Variants in SH3TC1 observed in about 807,000 individuals in gnomAD.
The protein encoded by SH3TC1 is SH3 domain and tetratricopeptide repeat-containing protein 1.
SH3TC1 carries 135 observed loss-of-function variants against 117.3 expected under a neutral mutation model. That is an observed-to-expected ratio of 1.15 (90% CI 1.00 to 1.33). The LOEUF is 1.33. Ranked by LOEUF, SH3TC1 falls within the 40% of genes most tolerant of loss-of-function variation. The pLI is 0.00. For synonymous variants in SH3TC1, 898 were observed against 816.9 expected (o/e 1.10, Z -1.69); for missense variants, 2,092 against 1,794.3 (o/e 1.17, Z -3.00).
At chr4:8,216,287 T>A in intron 6 of SH3TC1, 30 bp downstream of exon 6, 2 of 1,606,426 alleles carry the variant, frequency 1.2e-6, no homozygotes, top group South Asian at 2.2e-5. Flanking sequence ...ATGGCCGAGA[T>A]CCAGCTGTGC....
intron 6 of SH3TC1, among the ~76,000 whole-genome samples, chr4:8,216,694 G>A (rs1561692959): frequency 1.3e-5 from 2 of 152,094 alleles, no homozygotes; most frequent in Non-Finnish European, 2.9e-5. Flanking sequence ...CTTTGGCTCC[G>A]CATCGCACAG....
intron 6 of SH3TC1, 107 bp downstream of exon 6, chr4:8,216,364 G>A: frequency 3.4e-6 from 5 of 1,469,414 alleles, no homozygotes; most frequent in Non-Finnish European, 4.6e-6. Flanking sequence ...GGGGCTGTGG[G>A]CTGCGGAGCC....
chr4:8,215,035 G>A (rs1432697925), intron 5 of SH3TC1: 2 of 427,008 alleles, frequency 4.7e-6, no homozygotes, highest in African/African-American at 2.0e-5. Flanking sequence ...AACAACACTG[G>A]TGTGCGCACC....
intron 1 of SH3TC1, among the ~76,000 whole-genome samples, chr4:8,189,538 GC>G (rs1243397149): frequency 6.6e-6 from 1 of 152,222 alleles, no homozygotes; most frequent in East Asian, 1.9e-4. Flanking sequence ...GGTGGCCAGG[GC>G]CCCGCCAGGG....
rs117923749 is a variant in SH3TC1, at chr4:8,202,380, C to T, written c.-28-2787C>T. 1.2e-4 allele frequency among the ~76,000 whole-genome samples: 19 copies of T among 152,348 alleles called. No homozygotes were observed. In the East Asian group the frequency reaches 3.5e-3, roughly 28 times the overall value. ...GATCAGTGAGGCTGTGTTCTGCGTCCGCAGTTCCACTCACGCTTCCTCCTT... is the reference window on the plus strand; with the variant it reads ...GATCAGTGAGGCTGTGTTCTGCGTCTGCAGTTCCACTCACGCTTCCTCCTT... On this transcript the variant is annotated intron_variant, in intron 1 of 17. Transcript: ENST00000245105.
intron 14 of SH3TC1, among the ~76,000 whole-genome samples, chr4:8,234,194 TCATC>T (rs1293056590): frequency 8.1e-5 from 11 of 135,438 alleles, no homozygotes; most frequent in African/African-American, 3.0e-4. Context: ...ATCCATCCAT[TCATC>T]CATCCACCAT....
intron 17 of SH3TC1, among the ~76,000 whole-genome samples, chr4:8,237,876 C>G (rs1721967152): frequency 6.6e-6 from 1 of 152,142 alleles, no homozygotes; most frequent in African/African-American, 2.4e-5. Flanking sequence ...AGAACTCAGC[C>G]TCAGCCAGGG....
At chr4:8,226,549 G>A (rs1429603666) in intron 11 of SH3TC1, among the ~76,000 whole-genome samples, 3 of 152,214 alleles carry the variant, frequency 2.0e-5, no homozygotes, top group African/African-American at 2.4e-5. Flanking sequence ...GTACCCCATC[G>A]AGGGGCCCAG....
At chr4:8,220,836 T>G (rs572715890) in intron 9 of SH3TC1, among the ~76,000 whole-genome samples, 34 of 152,342 alleles carry the variant, frequency 2.2e-4, no homozygotes, top group African/African-American at 7.2e-4. Flanking sequence ...TCTGCTCTGG[T>G]ACCTCTGGCA....
chr4:8,184,736 G>C (rs146085930), intron 1 of SH3TC1, among the ~76,000 whole-genome samples: 113 of 152,258 alleles, frequency 7.4e-4, no homozygotes, highest in African/African-American at 2.7e-3. Context: ...TTTGCCTTCA[G>C]TTTCACAGAC....
At chr4:8,231,840 C>A in intron 12 of SH3TC1, 136 bp from the exon 13 acceptor site, 2 of 979,566 alleles carry the variant, frequency 2.0e-6, no homozygotes, top group Non-Finnish European at 3.0e-6. Context: ...TCACGGTGTG[C>A]TCAGCGGTTC....
intron 1 of SH3TC1, among the ~76,000 whole-genome samples, chr4:8,199,897 T>C (rs1231014905): frequency 6.6e-6 from 1 of 152,208 alleles, no homozygotes. Flanking sequence ...CACCTGGGCC[T>C]CTTTTCCAAC....
intron 12 of SH3TC1, among the ~76,000 whole-genome samples, chr4:8,229,533 T>G (rs1372758368): frequency 8.2e-5 from 5 of 60,892 alleles, no homozygotes; most frequent in Admixed American, 1.8e-4. Flanking sequence ...ATGAGTGGGG[T>G]GTAAGTGGGG....
At chr4:8,231,893 A>C in intron 12 of SH3TC1, 83 bp from the exon 13 acceptor site, 1 of 1,491,792 alleles carries the variant, frequency 6.7e-7, no homozygotes, top group Non-Finnish European at 9.1e-7. Flanking sequence ...GAAAGAGGCA[A>C]GCACACCGCA....
intron 17 of SH3TC1, among the ~76,000 whole-genome samples, chr4:8,239,241 G>A (rs1222346821): frequency 1.5e-5 from 2 of 136,772 alleles, no homozygotes; most frequent in South Asian, 2.2e-4. Context: ...CACGCTGCAC[G>A]CACAGGGACA....
Position 8,216,889 on chromosome 4 carries a change from T to C in SH3TC1, c.629-68T>C. The C allele has an allele frequency of 3.3e-6, 5 of 1,513,374 alleles. No homozygotes were observed. In the South Asian group the frequency reaches 5.6e-5, roughly 17 times the overall value. 93.7% of individuals were successfully genotyped at this position (1,513,374 alleles called of 1,614,324 possible). On this transcript the variant is annotated intron_variant, in intron 6 of 17. Coordinates refer to ENST00000245105, the MANE Select transcript of SH3TC1 (RefSeq NM_018986.5). The stretch of plus-strand genomic sequence containing the variant: ...GCCTTCGTTGTCTGTCCGGCAGGGG[T>C]GTGGGGGGCAGGGCCACAGCTGCGC...
At position 8,210,058 on chromosome 4, in the gene SH3TC1, C is replaced by T. The variant is rs116828321; in HGVS notation, c.247+236C>T. Among the ~76,000 whole-genome samples, 1,711 of 152,310 alleles carry T rather than the reference C, an allele frequency of 0.011. 32 individuals are homozygous for T. The highest frequency in any genetic ancestry group is 0.037 in the African/African-American group (1,523 of 41,564). ...GCATCCCTGTGTGCACCTGCACAAA[C>T]GGCAGACACGGTCCTGGGGGCTCCG... On this transcript the variant is annotated intron_variant, in intron 3 of 17. Coordinates refer to ENST00000245105, the MANE Select transcript of SH3TC1 (RefSeq NM_018986.5). The surrounding 1 kb of genome is among the most constrained non-coding windows in gnomAD (Gnocchi z 4.1).
chr4:8,196,605 C>G (rs564742232), upstream of SH3TC1, among the ~76,000 whole-genome samples: 1 of 152,166 alleles, frequency 6.6e-6, no homozygotes, highest in Non-Finnish European at 1.5e-5. The surrounding 1 kb of genome is among the most constrained non-coding windows in gnomAD (Gnocchi z 4.6). Flanking sequence ...AGCAGTGGGA[C>G]CTTTGTCAAG....
intron 8 of SH3TC1, among the ~76,000 whole-genome samples, chr4:8,218,721 C>T (rs539511725): frequency 1.1e-4 from 16 of 152,368 alleles, no homozygotes; most frequent in East Asian, 1.9e-4. Context: ...CCATGGGAAA[C>T]GCCTGGAAGG....
Sources: allele counts gnomAD v4.1 joint callset (sites outside exome capture counted in the v4.1 genomes callset), GRCh38; gene constraint gnomAD v4.1.1; non-coding constraint Gnocchi (gnomAD v3.1); transcripts MANE v1.5; gene names NCBI Gene and HGNC (gene_info 2026-07-23, HGNC 2026-07-21).